Variants in KCNIP4 observed in about 807,000 individuals in gnomAD.
The protein encoded by KCNIP4 is Kv channel-interacting protein 4.
KCNIP4 carries 12 observed loss-of-function variants against 34.0 expected under a neutral mutation model. The observed-to-expected ratio is 0.35, with a 90% confidence interval of 0.23 to 0.57. KCNIP4 has a LOEUF of 0.57. KCNIP4 is among the 20% of genes least tolerant of loss of function. KCNIP4 has a pLI of 0.83. For synonymous variants in KCNIP4, 124 were observed against 102.2 expected, an observed-to-expected ratio of 1.21 and a Z score of -1.29; for missense variants, 238 against 311.7, an observed-to-expected ratio of 0.76 and a Z score of 1.78.
intron 1 of KCNIP4, among the ~76,000 whole-genome samples, chr4:21,136,393 C>T (rs886414861): frequency 1.6e-4 from 24 of 152,230 alleles, no homozygotes; most frequent in South Asian, 8.3e-4. Flanking sequence ...CACAATCTTG[C>T]CTTTCTCTTT....
At chr4:21,387,233 A>G (rs1722110297) in intron 1 of KCNIP4, among the ~76,000 whole-genome samples, 1 of 152,230 alleles carries the variant, frequency 6.6e-6, no homozygotes, top group African/African-American at 2.4e-5. Flanking sequence ...TAGCTAAACC[A>G]GAAATGAGTG....
intron 1 of KCNIP4, among the ~76,000 whole-genome samples, chr4:21,661,359 C>A (rs758569496): frequency 6.6e-6 from 1 of 152,122 alleles, no homozygotes; most frequent in Non-Finnish European, 1.5e-5. Flanking sequence ...CTTCACTGAG[C>A]CGCTTAACAC....
At chr4:21,818,126 T>C (rs1189802329) in intron 1 of KCNIP4, among the ~76,000 whole-genome samples, 2 of 152,192 alleles carry the variant, frequency 1.3e-5, no homozygotes. Flanking sequence ...CCTACCGATA[T>C]GTGATGTCAC....
At chr4:21,482,698 C>T (rs1577437626) in intron 1 of KCNIP4, among the ~76,000 whole-genome samples, 1 of 152,102 alleles carries the variant, frequency 6.6e-6, no homozygotes, top group African/African-American at 2.4e-5. Context: ...GTCTGATGGG[C>T]TTCCCTTTGT....
intron 1 of KCNIP4, among the ~76,000 whole-genome samples, chr4:21,689,214 T>A (rs1421301939): frequency 6.6e-6 from 1 of 152,160 alleles, no homozygotes; most frequent in African/African-American, 2.4e-5. Context: ...AAAATCACAG[T>A]CATTTATATA....
At chr4:20,864,371 TA>T (rs1299208260) in intron 2 of KCNIP4, among the ~76,000 whole-genome samples, 4 of 150,982 alleles carry the variant, frequency 2.6e-5, no homozygotes, top group African/African-American at 9.7e-5. Context: ...ATATGTATGT[TA>T]TACATTTTAT....
At chr4:20,910,965 A>G (rs545213985) in intron 1 of KCNIP4, among the ~76,000 whole-genome samples, 2 of 152,276 alleles carry the variant, frequency 1.3e-5, no homozygotes, top group Non-Finnish European at 2.9e-5. Context: ...AAAAAAAGGG[A>G]TATCTTCACC....
intron 1 of KCNIP4, among the ~76,000 whole-genome samples, chr4:21,177,892 A>T (rs1281850785): frequency 6.8e-6 from 1 of 147,854 alleles, no homozygotes; most frequent in Non-Finnish European, 1.5e-5. Flanking sequence ...TATAACATTT[A>T]AAAAGAAAAA....
intron 1 of KCNIP4, among the ~76,000 whole-genome samples, chr4:21,069,283 C>T (rs1744683129): frequency 6.6e-6 from 1 of 151,956 alleles, no homozygotes; most frequent in Non-Finnish European, 1.5e-5. Context: ...TTTGTGCTTA[C>T]ACAGCTGCCT....
rs555930608 is a variant in KCNIP4, at chr4:21,201,023, G to A, written c.62-318314C>T. The stretch of plus-strand genomic sequence containing the variant: ...GTCCAAGGTCACCCAGTGAATAAGA[G>A]GTTGAGATTCAATAGGCCAGACCTA... On this transcript the variant is annotated intron_variant, in intron 1 of 8. Coordinates refer to ENST00000382152, the MANE Select transcript of KCNIP4 (RefSeq NM_025221.6). Among the ~76,000 whole-genome samples the A allele has an allele frequency of 1.3e-4, 20 of 152,220 alleles. No individual in the cohort carries two copies. In the South Asian group the frequency reaches 3.9e-3, roughly 30 times the overall value.
chr4:21,071,111 T>A (rs1315544546), intron 1 of KCNIP4, among the ~76,000 whole-genome samples: 2 of 152,202 alleles, frequency 1.3e-5, no homozygotes, highest in Non-Finnish European at 2.9e-5. Context: ...TTGTTTAATT[T>A]TGATGAAATC....
intron 1 of KCNIP4, among the ~76,000 whole-genome samples, chr4:21,517,608 T>A (rs1409198747): frequency 2.0e-5 from 3 of 152,112 alleles, no homozygotes; most frequent in African/African-American, 7.2e-5. Flanking sequence ...ATTTTTTTTA[T>A]CCTGCCTAAT....
chr4:21,906,701 T>A (rs1361896078), intron 1 of KCNIP4, among the ~76,000 whole-genome samples: 1 of 152,174 alleles, frequency 6.6e-6, no homozygotes, highest in Non-Finnish European at 1.5e-5. Context: ...AATTAATGCA[T>A]GTATCTACTG....
chr4:21,260,428 G>A (rs1273663385), intron 1 of KCNIP4, among the ~76,000 whole-genome samples: 1 of 152,132 alleles, frequency 6.6e-6, no homozygotes, highest in African/African-American at 2.4e-5. Flanking sequence ...ACATTTTTGC[G>A]TTGTTTAGGA....
rs113430617 is a variant in KCNIP4 at position 21,064,387 on chromosome 4, C to T, written c.62-181678G>A. Among the ~76,000 whole-genome samples, 648 of 150,902 alleles carry T rather than the reference C, an allele frequency of 4.3e-3. 3 individuals carry two copies. The highest frequency in any genetic ancestry group is 0.015 in the African/African-American group (619 of 40,982). Reference sequence around the variant, plus strand: ...TAAAAATAGTGTGTTGGCATTTTTACTCCCGTTACCTCACAGGAAAAAAAA... The same window carrying T: ...TAAAAATAGTGTGTTGGCATTTTTATTCCCGTTACCTCACAGGAAAAAAAA... On this transcript the variant is annotated intron_variant, in intron 1 of 8. Transcript: ENST00000382152.
At chr4:20,926,003 G>C (rs1729865155) in intron 1 of KCNIP4, among the ~76,000 whole-genome samples, 1 of 152,146 alleles carries the variant, frequency 6.6e-6, no homozygotes, top group Admixed American at 6.5e-5. Flanking sequence ...TGGTCACATA[G>C]GTGCTCTCTG....
intron 1 of KCNIP4, among the ~76,000 whole-genome samples, chr4:21,597,399 A>C (rs138472225): frequency 0.031 from 4,676 of 152,190 alleles, 78 homozygotes; most frequent in South Asian, 0.073. Context: ...TAAATTATCC[A>C]GTCTCGGGTA....
chr4:20,773,429 G>A (rs1213809157), intron 3 of KCNIP4, among the ~76,000 whole-genome samples: 1 of 152,092 alleles, frequency 6.6e-6, no homozygotes, highest in Non-Finnish European at 1.5e-5. Context: ...TAAAGCCTCT[G>A]TCTCCTCTCC....
At chr4:21,150,883 CT>C (rs1246047746) in intron 1 of KCNIP4, among the ~76,000 whole-genome samples, 6 of 152,100 alleles carry the variant, frequency 3.9e-5, no homozygotes, top group Non-Finnish European at 5.9e-5. Flanking sequence ...GCCATTATTT[CT>C]TGTTAATCAA....
Sources: gnomAD v4.1 joint callset for allele counts (sites outside exome capture counted in the v4.1 genomes callset) on GRCh38, gnomAD v4.1.1 for gene constraint, MANE v1.5 for transcripts, NCBI Gene and HGNC (gene_info 2026-07-23, HGNC 2026-07-21) for gene names.